The following LUZP2 variants were observed in gnomAD, a reference collection of about 807,000 sequenced individuals.
LUZP2 encodes the protein leucine zipper protein 2.
A neutral mutation model predicts 51.6 loss-of-function variants in LUZP2; 52 were observed. That is an observed-to-expected ratio of 1.01 (90% CI 0.81 to 1.27). LUZP2 has a LOEUF of 1.27. Among genes scored for constraint, LUZP2 ranks in the 50% most tolerant of loss-of-function variants. The pLI is 0.00. For missense variants in LUZP2, 436 were observed against 395.4 expected (o/e 1.10, Z -0.87); for synonymous variants, 154 against 137.3 (o/e 1.12, Z -0.85).
At position 25,077,269 on chromosome 11, in the gene LUZP2, TC is replaced by T. The variant is rs1390640709; in HGVS notation, c.859-54del. 32 of 1,245,464 alleles carry T rather than the reference TC, an allele frequency of 2.6e-5. No homozygotes were observed. In the South Asian group the frequency reaches 2.6e-4, roughly 10 times the overall value. 77.2% of individuals were successfully genotyped at this position (1,245,464 alleles called of 1,614,324 possible). On this transcript the variant is annotated intron_variant, in intron 10 of 11. Coordinates refer to ENST00000336930, the MANE Select transcript of LUZP2 (RefSeq NM_001009909.4). ...AAGAATTCAAGAGAGTGTTTTTGAC[TC>T]CCCCCTCCACTTTCTTTCTTTAACT...
chr11:24,595,109 G>T (rs187899075), intron 1 of LUZP2, among the ~76,000 whole-genome samples: 70 of 150,754 alleles, frequency 4.6e-4, no homozygotes, highest in Admixed American at 1.8e-3. Flanking sequence ...GGGAATTGCT[G>T]TGCTTCTCAA....
intron 10 of LUZP2, among the ~76,000 whole-genome samples, chr11:25,051,592 C>T (rs186423899): frequency 6.6e-6 from 1 of 152,194 alleles, no homozygotes; most frequent in East Asian, 1.9e-4. Flanking sequence ...AAAAACAGTA[C>T]ACAAAATGGC....
chr11:24,517,123 C>G (rs1243598039), intron 1 of LUZP2, among the ~76,000 whole-genome samples: 1 of 151,972 alleles, frequency 6.6e-6, no homozygotes, highest in African/African-American at 2.4e-5. Flanking sequence ...TATTTGAAAT[C>G]TTAATTGAAA....
intron 1 of LUZP2, among the ~76,000 whole-genome samples, chr11:24,535,036 G>C (rs150976810): frequency 6.6e-6 from 1 of 151,070 alleles, no homozygotes; most frequent in East Asian, 2.0e-4. Context: ...TGCTTTCCCA[G>C]TACATATAGA....
At chr11:25,026,186 A>T (rs2404019) in intron 9 of LUZP2, among the ~76,000 whole-genome samples, 71,091 of 150,980 alleles carry the variant, frequency 0.47, 17,266 homozygotes, top group Non-Finnish European at 0.51. Flanking sequence ...AGATATACCT[A>T]ATGTACATAA....
chr11:24,764,709 A>G (rs1348102861), intron 5 of LUZP2, among the ~76,000 whole-genome samples: 2 of 151,514 alleles, frequency 1.3e-5, no homozygotes, highest in African/African-American at 4.8e-5. Flanking sequence ...AACAACAAAA[A>G]CCTACCAGGC....
chr11:24,898,931 A>T (rs766269524), intron 5 of LUZP2, among the ~76,000 whole-genome samples: 22 of 151,652 alleles, frequency 1.5e-4, no homozygotes, highest in Non-Finnish European at 2.6e-4. Flanking sequence ...TCATTTCCTG[A>T]GACAGAATAC....
rs147045266 is a variant in LUZP2 at position 24,732,510 on chromosome 11, T to C, written c.251+322T>C. 5.5e-4 allele frequency among the ~76,000 whole-genome samples: 84 copies of C among 151,758 alleles called. No individual in the cohort carries two copies. In the East Asian group the frequency reaches 0.015, roughly 27 times the overall value. On this transcript the variant is annotated intron_variant, in intron 3 of 11. Transcript: ENST00000336930. The stretch of plus-strand genomic sequence containing the variant: ...GGACCCAGGTAAGTCTGACCATCAA[T>C]AGACAGATTTGATAATATTGACCTA...
intron 1 of LUZP2, among the ~76,000 whole-genome samples, chr11:24,556,014 C>T (rs1851859109): frequency 6.6e-6 from 1 of 152,060 alleles, no homozygotes; most frequent in Non-Finnish European, 1.5e-5. Context: ...GCTTCCATTA[C>T]CCCCTTTTGA....
At chr11:25,014,399 T>A (rs1857079612) in intron 9 of LUZP2, among the ~76,000 whole-genome samples, 1 of 152,154 alleles carries the variant, frequency 6.6e-6, no homozygotes, top group Non-Finnish European at 1.5e-5. Flanking sequence ...CTCCACATCC[T>A]CTCCAGCACC....
intron 1 of LUZP2, among the ~76,000 whole-genome samples, chr11:24,535,261 T>C (rs765411447): frequency 6.6e-6 from 1 of 151,438 alleles, no homozygotes; most frequent in Non-Finnish European, 1.5e-5. Flanking sequence ...TTGCTAAAGG[T>C]TGGGGTAGCT....
chr11:24,968,687 C>A (rs951363910), intron 7 of LUZP2, among the ~76,000 whole-genome samples: 25 of 152,190 alleles, frequency 1.6e-4, no homozygotes, highest in African/African-American at 5.5e-4. Flanking sequence ...AGCCCCACCC[C>A]TGCTCACTTC....
At chr11:24,934,624 A>G (rs1021904936) in intron 7 of LUZP2, among the ~76,000 whole-genome samples, 2 of 152,228 alleles carry the variant, frequency 1.3e-5, no homozygotes, top group Admixed American at 1.3e-4. Context: ...ATGTTGTGAC[A>G]TATTACATAA....
At chr11:24,691,092 A>G (rs1314353677) in intron 1 of LUZP2, among the ~76,000 whole-genome samples, 3 of 151,972 alleles carry the variant, frequency 2.0e-5, no homozygotes, top group East Asian at 1.9e-4. Context: ...CAGAATTCCT[A>G]TGTTTTTTTA....
At chr11:24,961,026 G>T (rs1855382704) in intron 7 of LUZP2, among the ~76,000 whole-genome samples, 1 of 152,046 alleles carries the variant, frequency 6.6e-6, no homozygotes, top group Non-Finnish European at 1.5e-5. Context: ...TTCAGGAGCA[G>T]GTTGTTCAGT....
At chr11:25,015,375 C>A (rs922999194) in intron 9 of LUZP2, among the ~76,000 whole-genome samples, 8 of 152,112 alleles carry the variant, frequency 5.3e-5, no homozygotes, top group African/African-American at 1.9e-4. Context: ...TTGTACAATA[C>A]TATTACCAAA....
At chr11:24,618,828 G>A (rs930802461) in intron 1 of LUZP2, among the ~76,000 whole-genome samples, 8 of 151,962 alleles carry the variant, frequency 5.3e-5, no homozygotes, top group East Asian at 1.9e-4. Flanking sequence ...TTTTGGAAAC[G>A]GAATACGCCT....
At chr11:25,013,134 T>G (rs2133960879) in intron 9 of LUZP2, among the ~76,000 whole-genome samples, 2 of 152,268 alleles carry the variant, frequency 1.3e-5, no homozygotes, top group Middle Eastern at 6.8e-3. Context: ...AAAAGTCAAA[T>G]ATTGCATGTT....
rs1157405432 is a variant in LUZP2 at position 25,039,523 on chromosome 11, G to T, written c.766-10515G>T. On this transcript the variant is annotated intron_variant, in intron 9 of 11. Transcript: ENST00000336930. ...CTCTTAGAGGGAGATAGGAGCTCTGGTGGGAGGGCGCTTATGGCCCAACTC... is the reference window on the plus strand; with the variant it reads ...CTCTTAGAGGGAGATAGGAGCTCTGTTGGGAGGGCGCTTATGGCCCAACTC... Among the ~76,000 whole-genome samples, 5 of 152,252 alleles carry T rather than the reference G, an allele frequency of 3.3e-5. No homozygotes were observed. In the East Asian group the frequency reaches 9.7e-4, roughly 30 times the overall value.
Sources: gnomAD v4.1 joint callset for allele counts (sites outside exome capture counted in the v4.1 genomes callset) on GRCh38, gnomAD v4.1.1 for gene constraint, MANE v1.5 for transcripts, NCBI Gene and HGNC (gene_info 2026-07-23, HGNC 2026-07-21) for gene names.